Variants in RFX3 observed in about 807,000 individuals in gnomAD.
RFX3 encodes the protein regulatory factor X3, also known as transcription factor RFX3.
Under a neutral mutation model 98.6 loss-of-function variants are expected in RFX3, and 14 were observed. That is an observed-to-expected ratio of 0.14 (90% CI 0.09 to 0.22). The LOEUF is 0.22. RFX3 is among the 10% of genes least tolerant of loss of function. RFX3 has a pLI of 1.00. For missense variants in RFX3, 639 were observed against 926.9 expected (o/e 0.69, Z 4.03); for synonymous variants, 383 against 328.4 (o/e 1.17, Z -1.80).
chr9:3,312,447 A>T (rs1404493912), intron 4 of RFX3, among the ~76,000 whole-genome samples: 1 of 152,162 alleles, frequency 6.6e-6, no homozygotes, highest in Non-Finnish European at 1.5e-5. Context: ...AATCAAGCTA[A>T]GGTTCCAGCT....
chr9:3,366,704 T>TTCTTTCTTTCTTTCTTTC (rs1462786710), intron 2 of RFX3, among the ~76,000 whole-genome samples: 1 of 118,036 alleles, frequency 8.5e-6, no homozygotes, highest in Non-Finnish European at 1.8e-5. Context: ...CTTTCTTTCT[T>TTCTTTCTTTCTTTCTTTC]TCTTTCTTTC....
chr9:3,418,275 T>C (rs1453862491), intron 1 of RFX3, among the ~76,000 whole-genome samples: 1 of 152,238 alleles, frequency 6.6e-6, no homozygotes, highest in East Asian at 1.9e-4. Flanking sequence ...ATTCAACAAG[T>C]TACTGCTTTC....
intron 1 of RFX3, among the ~76,000 whole-genome samples, chr9:3,476,180 TAATA>T (rs1849237724): frequency 6.7e-6 from 1 of 150,062 alleles, no homozygotes; most frequent in Admixed American, 6.7e-5. Flanking sequence ...ATAATATATA[TAATA>T]TATACATATA....
intron 4 of RFX3, among the ~76,000 whole-genome samples, chr9:3,318,561 A>T (rs1009367454): frequency 5.3e-5 from 8 of 151,240 alleles, no homozygotes; most frequent in South Asian, 2.1e-4. Flanking sequence ...AAAAAAAAAA[A>T]AGCCCAGAAA....
intron 1 of RFX3, among the ~76,000 whole-genome samples, chr9:3,509,560 C>T (rs2133818494): frequency 6.6e-6 from 1 of 151,888 alleles, no homozygotes; most frequent in African/African-American, 2.4e-5. Flanking sequence ...GGCATTTCTC[C>T]TTAAAATAAA....
chr9:3,224,384 T>C lies in RFX3; in HGVS notation c.*658A>G, dbSNP rs1314674716. The C allele has an allele frequency of 6.6e-6, 1 of 152,242 alleles. No individual in the cohort carries two copies. The highest frequency in any genetic ancestry group is 2.4e-5 in the African/African-American group (1 of 41,464). The allele number at this position is 152,242 out of a possible 1,614,324, so 9.4% of individuals were successfully genotyped here. On this transcript the variant is annotated 3_prime_UTR_variant, in exon 17 of 17. Coordinates refer to ENST00000617270, the MANE Select transcript of RFX3 (RefSeq NM_001282116.2). ...TAATTATGTACACAAATTATGTACA[T>C]ATTAGCATAATCTCTTGCAATTCTG...
At chr9:3,306,700 T>C (rs895196398) in intron 4 of RFX3, among the ~76,000 whole-genome samples, 6 of 151,258 alleles carry the variant, frequency 4.0e-5, no homozygotes, top group Non-Finnish European at 8.8e-5. Context: ...TGTATACATA[T>C]GTAACAAACC....
chr9:3,468,815 G>GAAAAAAAAAAAAAAAA (rs34057815), intron 1 of RFX3, among the ~76,000 whole-genome samples: 12 of 84,240 alleles, frequency 1.4e-4, no homozygotes, highest in Admixed American at 2.4e-4. Context: ...TTTTCCTTTT[G>GAAAAAAAAAAAAAAAA]AAAAAAAAAA....
chr9:3,326,678 C>T (rs898217841), intron 4 of RFX3, among the ~76,000 whole-genome samples: 7 of 152,210 alleles, frequency 4.6e-5, no homozygotes, highest in African/African-American at 7.2e-5. Context: ...TTCTTTGTTA[C>T]GGGTGCATAG....
At chr9:3,442,573 T>C (rs1845697217) in intron 1 of RFX3, among the ~76,000 whole-genome samples, 1 of 152,090 alleles carries the variant, frequency 6.6e-6, no homozygotes, top group South Asian at 2.1e-4. Context: ...CCAAATAAAG[T>C]CTGAAGTATA....
chr9:3,466,942 T>C (rs1422212621), intron 1 of RFX3, among the ~76,000 whole-genome samples: 1 of 149,816 alleles, frequency 6.7e-6, no homozygotes, highest in Non-Finnish European at 1.5e-5. Flanking sequence ...CCCCCGGAGG[T>C]ATTCATATGC....
At chr9:3,391,975 T>A (rs1840356877) in intron 2 of RFX3, among the ~76,000 whole-genome samples, 1 of 152,110 alleles carries the variant, frequency 6.6e-6, no homozygotes, top group Non-Finnish European at 1.5e-5. Context: ...AATACCCAAC[T>A]CTTTCCCCAA....
intron 1 of RFX3, among the ~76,000 whole-genome samples, chr9:3,474,928 C>T (rs1849097183): frequency 6.6e-6 from 1 of 151,822 alleles, no homozygotes; most frequent in Non-Finnish European, 1.5e-5. Flanking sequence ...AGGAAGATCC[C>T]ATCTCCACAA....
intron 3 of RFX3, among the ~76,000 whole-genome samples, chr9:3,331,250 T>C (rs1279856905): frequency 1.3e-5 from 2 of 152,160 alleles, no homozygotes; most frequent in African/African-American, 2.4e-5. Context: ...CTCCTGTCAG[T>C]CCTTATCTCT....
chr9:3,481,479 CATT>C (rs1849753099), intron 1 of RFX3, among the ~76,000 whole-genome samples: 1 of 150,906 alleles, frequency 6.6e-6, no homozygotes, highest in South Asian at 2.1e-4. Context: ...CTGAAAAGTA[CATT>C]TTTTAAAAAA....
At chr9:3,262,575 G>A (rs996497671) in intron 13 of RFX3, among the ~76,000 whole-genome samples, 1 of 152,308 alleles carries the variant, frequency 6.6e-6, no homozygotes, top group East Asian at 1.9e-4. Context: ...TGGGGAAAGT[G>A]AAGCCTAGAG....
chr9:3,465,230 C>T (rs186314789), intron 1 of RFX3, among the ~76,000 whole-genome samples: 2 of 152,196 alleles, frequency 1.3e-5, no homozygotes, highest in Admixed American at 1.3e-4. Context: ...TAACAACCTG[C>T]CAATCCTTGT....
intron 15 of RFX3, among the ~76,000 whole-genome samples, chr9:3,236,985 A>G (rs946507057): frequency 1.3e-5 from 2 of 152,210 alleles, no homozygotes; most frequent in African/African-American, 4.8e-5. Flanking sequence ...CTTTTCTGAA[A>G]TAGTTTCTAT....
chr9:3,413,668 T>C (rs1842652176), intron 1 of RFX3, among the ~76,000 whole-genome samples: 2 of 152,120 alleles, frequency 1.3e-5, no homozygotes, highest in African/African-American at 2.4e-5. Context: ...GCTTCCTGAA[T>C]GTGAAATTCA....
Sources: gnomAD v4.1 joint callset for allele counts (sites outside exome capture counted in the v4.1 genomes callset) on GRCh38, gnomAD v4.1.1 for gene constraint, MANE v1.5 for transcripts, NCBI Gene and HGNC (gene_info 2026-07-23, HGNC 2026-07-21) for gene names.